Variants in PDE6C observed in about 807,000 individuals in gnomAD.
The protein encoded by PDE6C is cone cGMP-specific 3',5'-cyclic phosphodiesterase subunit alpha'.
PDE6C carries 75 observed loss-of-function variants against 113.1 expected under a neutral mutation model. That is an observed-to-expected ratio of 0.66 (90% CI 0.55 to 0.80). The LOEUF (loss-of-function observed/expected upper bound fraction) is 0.80, where lower values mean the gene tolerates loss of function less well. PDE6C is among the 30% of genes least tolerant of loss of function. The pLI, the probability that PDE6C is intolerant of heterozygous loss-of-function variation, is 0.00. For synonymous variants in PDE6C, 375 were observed against 363.7 expected (o/e 1.03, Z -0.35); for missense variants, 912 against 1,038.6 (o/e 0.88, Z 1.67).
intron 3 of PDE6C, among the ~76,000 whole-genome samples, chr10:93,621,681 C>T (rs1248193848): frequency 6.6e-6 from 1 of 152,194 alleles, no homozygotes; most frequent in South Asian, 2.1e-4. Flanking sequence ...GGAGCCAAAA[C>T]ATCTAGACAC....
intron 7 of PDE6C, among the ~76,000 whole-genome samples, chr10:93,627,720 C>T (rs2058481006): frequency 6.6e-6 from 1 of 152,062 alleles, no homozygotes; most frequent in Non-Finnish European, 1.5e-5. Context: ...CTGCTTTTTG[C>T]CTCTTCAAAA....
intron 1 of PDE6C, among the ~76,000 whole-genome samples, chr10:93,616,048 T>A (rs1438498239): frequency 6.6e-6 from 1 of 152,232 alleles, no homozygotes; most frequent in Non-Finnish European, 1.5e-5. Context: ...TAGAAACCAA[T>A]GTTTCAAATG....
intron 14 of PDE6C, among the ~76,000 whole-genome samples, chr10:93,645,651 T>C (rs604489): frequency 0.23 from 34,834 of 152,132 alleles, 4,107 homozygotes; most frequent in Admixed American, 0.28. Flanking sequence ...GTTTGCTATA[T>C]GTTTTATAAG....
At chr10:93,634,311 C>A (rs1012239031) in intron 8 of PDE6C, among the ~76,000 whole-genome samples, 1 of 152,102 alleles carries the variant, frequency 6.6e-6, no homozygotes, top group African/African-American at 2.4e-5. Context: ...CTGTGCCCAG[C>A]CTTTTTCTTT....
intron 15 of PDE6C, among the ~76,000 whole-genome samples, chr10:93,654,787 TTTCTTTCTTTCTTTCTTTCTTTC>T (rs1349495854): frequency 3.4e-4 from 34 of 100,724 alleles, no homozygotes; most frequent in African/African-American, 9.4e-4. Flanking sequence ...TCTTTCTTTC[TTTCTTTCTTTCTTTCTTTCTTTC>T]TTTTTTTTTT....
rs1451255804 is a variant in PDE6C, at chr10:93,640,970, T to A, written c.1788T>A (p.Leu596=). The change falls in exon 14 of 22, where the codon CTT becomes CTA. Residue 596 remains leucine, a synonymous_variant. Transcript: ENST00000371447. ...YYTDLEAFAM[L]AAAFCHDIDH... ...CAGATCTCGAAGCCTTTGCCATGCT[T>A]GCTGCTGCTTTCTGCCATGATATTG... The A allele has an allele frequency of 5.0e-6, 8 of 1,613,418 alleles. No individual in the cohort carries two copies. Among genetic ancestry groups the A allele is most frequent in the Non-Finnish European group, 6.8e-6 (8 of 1,179,502 alleles).
chr10:93,655,973 C>A, intron 16 of PDE6C, 113 bp downstream of exon 16: 1 of 753,386 alleles, frequency 1.3e-6, no homozygotes. Context: ...CATACACACA[C>A]ACAGACACAC....
intron 1 of PDE6C, among the ~76,000 whole-genome samples, chr10:93,615,669 A>G (rs933976143): frequency 1.3e-5 from 2 of 152,224 alleles, no homozygotes; most frequent in Admixed American, 1.3e-4. Flanking sequence ...GGCGTGAGCC[A>G]CTGCGCCCGG....
rs1174617753 is a variant in PDE6C at position 93,662,497 on chromosome 10, A to C, written c.2284-63A>C. On this transcript the variant is annotated intron_variant, in intron 19 of 21. Transcript: ENST00000371447. ...AAAAAAAAAAAAAGTTATCAGGACA[A>C]ATCAGTCTGTTTTGTTCATACATCT... 4.9e-6 allele frequency: 4 copies of C among 811,314 alleles called. No individual in the cohort carries two copies. In the East Asian group the frequency reaches 7.3e-5, roughly 15 times the overall value. 50.3% of individuals were successfully genotyped at this position (811,314 alleles called of 1,614,324 possible).
In PDE6C at chr10:93,635,519, G is replaced by C; in HGVS notation, c.1292G>C (p.Trp431Ser). ...ITETLTQFLGWSLLNTDTYDK... is the reference protein window; with the variant it reads ...ITETLTQFLGSSLLNTDTYDK... The stretch of plus-strand genomic sequence containing the variant: ...CAGACTCTCACACAATTTCTTGGAT[G>C]GTCTCTTTTAAATACTGACACCTAC... Residue 431 changes from tryptophan (W) to serine (S), a missense_variant, in exon 10 of 22, where the codon TGG (tryptophan) becomes TCG (serine). Physicochemically the swap from Trp to Ser is radical, Grantham distance 177. Transcript: ENST00000371447. The C allele has an allele frequency of 6.2e-7, 1 of 1,610,630 alleles. No individual in the cohort carries two copies. The highest frequency in any genetic ancestry group is 1.1e-5 in the South Asian group (1 of 90,978).
chr10:93,636,794 G>A (rs567092385), intron 10 of PDE6C, among the ~76,000 whole-genome samples: 1 of 152,196 alleles, frequency 6.6e-6, no homozygotes, highest in East Asian at 1.9e-4. Flanking sequence ...TAGAGATGGG[G>A]TCTCACTCTC....
chr10:93,639,962 CA>C (rs2058551062), intron 11 of PDE6C, 107 bp from the exon 12 acceptor site: 1 of 1,127,798 alleles, frequency 8.9e-7, no homozygotes, highest in Admixed American at 1.7e-5. Flanking sequence ...GTGAATCACA[CA>C]TTGTGTTCTT....
At position 93,621,105 on chromosome 10, in the gene PDE6C, C is replaced by T. The variant is rs547905263; in HGVS notation, c.723+125C>T. On this transcript the variant is annotated intron_variant, in intron 3 of 21. Transcript: ENST00000371447. The stretch of plus-strand genomic sequence containing the variant: ...AAGCCACGTGGAACAGATCCCCAAA[C>T]TTCAGTCCCACGTGTCCTCTCATGA... 30 of 782,106 alleles carry T rather than the reference C, an allele frequency of 3.8e-5. No individual in the cohort carries two copies. The South Asian group carries it at 3.9e-4, about 10-fold the overall frequency. The allele number at this position is 782,106 out of a possible 1,614,324, so 48.4% of individuals were successfully genotyped here.
At chr10:93,652,130 A>G (rs1342588944) in intron 15 of PDE6C, among the ~76,000 whole-genome samples, 1 of 152,208 alleles carries the variant, frequency 6.6e-6, no homozygotes, top group Non-Finnish European at 1.5e-5. Flanking sequence ...ATGAGGACTA[A>G]TGGAAAAATA....
At position 93,620,948 on chromosome 10, in the gene PDE6C, T is replaced by C; in HGVS notation, c.691T>C (p.Tyr231His). ...SIILRLHHTS[Y>H]MYNIESRRSQ... ...CATCCTAAGGCTTCATCACACCAGCTACATGTACAATATTGAATCCCGAAG... is the reference window on the plus strand; with the variant it reads ...CATCCTAAGGCTTCATCACACCAGCCACATGTACAATATTGAATCCCGAAG... Residue 231 changes from tyrosine to histidine, a missense_variant, in exon 3 of 22, where the codon TAC (tyrosine) becomes CAC (histidine). Physicochemically the swap from Tyr to His is moderately conservative, Grantham distance 83. Coordinates refer to ENST00000371447, the MANE Select transcript of PDE6C (RefSeq NM_006204.4). 6.2e-7 allele frequency: 1 copy of C among 1,613,990 alleles called. No individual in the cohort carries two copies. Among genetic ancestry groups the C allele is most frequent in the Non-Finnish European group, 8.5e-7 (1 of 1,179,890 alleles).
At chr10:93,652,167 G>T (rs1352646381) in intron 15 of PDE6C, among the ~76,000 whole-genome samples, 1 of 152,082 alleles carries the variant, frequency 6.6e-6, no homozygotes, top group Non-Finnish European at 1.5e-5. Context: ...CATAGTAAAG[G>T]CCATACATAC....
At chr10:93,663,658 A>G (rs924826470) in intron 21 of PDE6C, among the ~76,000 whole-genome samples, 7 of 147,442 alleles carry the variant, frequency 4.7e-5, no homozygotes, top group African/African-American at 1.7e-4. Context: ...ATGTAGAGTA[A>G]GGCTGAAATT....
intron 19 of PDE6C, among the ~76,000 whole-genome samples, 196 bp downstream of exon 19, chr10:93,662,329 G>T (rs941149183): frequency 3.3e-5 from 5 of 151,826 alleles, no homozygotes; most frequent in African/African-American, 1.2e-4. Context: ...TGGTCATGGT[G>T]GTGCATGCCT....
chr10:93,640,996 A>G lies in PDE6C; in HGVS notation c.1814A>G (p.Asp605Gly). Residue 605 changes from aspartate to glycine, a missense_variant, in exon 14 of 22, where the codon GAC becomes GGC. Asp to Gly is a moderately conservative substitution (Grantham distance 94). Transcript: ENST00000371447. Reference protein sequence around the residue: ...MLAAAFCHDIDHRGTNNLYQM... With the variant: ...MLAAAFCHDIGHRGTNNLYQM... ...GCTGCTGCTTTCTGCCATGATATTG[A>G]CCACAGAGGCACCAATAATTTGTAC... 2 of 1,611,010 alleles carry G rather than the reference A, an allele frequency of 1.2e-6. No homozygotes were observed. The highest frequency in any genetic ancestry group is 1.7e-6 in the Non-Finnish European group (2 of 1,177,182).
Sources: gnomAD v4.1 joint callset for allele counts (sites outside exome capture counted in the v4.1 genomes callset) on GRCh38, gnomAD v4.1.1 for gene constraint, MANE v1.5 for transcripts, NCBI Gene and HGNC (gene_info 2026-07-23, HGNC 2026-07-21) for gene names.